OPTN: variants seen among roughly 807,000 people sequenced by gnomAD.
OPTN encodes optineurin.
OPTN carries 54 observed loss-of-function variants against 70.4 expected under a neutral mutation model. The ratio of observed to expected loss-of-function variants is 0.77; its 90% CI spans 0.62 to 0.96. The LOEUF (loss-of-function observed/expected upper bound fraction) is 0.96, where lower values mean the gene tolerates loss of function less well. Among genes scored for constraint, OPTN ranks in the 40% least tolerant of loss-of-function variants. The probability of loss-of-function intolerance (pLI) is 0.00; values close to 1 mark genes in which losing one functional copy is unlikely to be tolerated. For synonymous variants in OPTN, 256 were observed against 248.5 expected (o/e 1.03, Z -0.28); for missense variants, 624 against 673.2 (o/e 0.93, Z 0.81).
At chr10:13,112,049 T>C (rs1368974140) in intron 4 of OPTN, among the ~76,000 whole-genome samples, 1 of 151,436 alleles carries the variant, frequency 6.6e-6, no homozygotes, top group African/African-American at 2.4e-5. Flanking sequence ...GGGGTTTCAC[T>C]GTGTTAGCCA....
intron 13 of OPTN, 139 bp downstream of exon 13, chr10:13,132,336 A>G: frequency 1.3e-6 from 1 of 749,560 alleles, no homozygotes; most frequent in South Asian, 1.7e-5. Flanking sequence ...TGACAGAGCG[A>G]GTCCCCTGTC....
intron 11 of OPTN, among the ~76,000 whole-genome samples, chr10:13,127,138 C>T (rs1021547467): frequency 6.6e-5 from 10 of 152,112 alleles, no homozygotes; most frequent in African/African-American, 2.4e-4. Context: ...TGTAAATATA[C>T]TCTTTGTTTT....
At chr10:13,118,151 T>A (rs879261492) in intron 6 of OPTN, among the ~76,000 whole-genome samples, 3 of 152,246 alleles carry the variant, frequency 2.0e-5, no homozygotes, top group Non-Finnish European at 4.4e-5. Flanking sequence ...AGTTTGAGAT[T>A]GATTTCCAGG....
chr10:13,112,745 C>A, intron 5 of OPTN, 110 bp downstream of exon 5: 1 of 1,084,486 alleles, frequency 9.2e-7, no homozygotes, highest in Non-Finnish European at 1.4e-6. Flanking sequence ...TGAGGAAATT[C>A]CAGTGTAGCA....
At chr10:13,127,374 A>T (rs825411) in intron 11 of OPTN, among the ~76,000 whole-genome samples, 1 of 152,070 alleles carries the variant, frequency 6.6e-6, no homozygotes, top group Non-Finnish European at 1.5e-5. Context: ...GCAAAATAAC[A>T]GTATCAACGA....
intron 9 of OPTN, 108 bp downstream of exon 9, chr10:13,124,218 T>C (rs1343537096): frequency 3.0e-6 from 2 of 660,708 alleles, no homozygotes; most frequent in Non-Finnish European, 5.3e-6. Context: ...AAAAGAAAAA[T>C]AGACACCTAA....
Position 13,118,438 on chromosome 10 carries a change from C to G in OPTN, c.627-450C>G, listed in dbSNP as rs532931405. Among the ~76,000 whole-genome samples the G allele has an allele frequency of 2.6e-5, 4 of 152,346 alleles. No individual in the cohort carries two copies. In the South Asian group the frequency reaches 8.3e-4, roughly 32 times the overall value. ...CCACAAGTGAAAAAGGTTTTCTCCC[C>G]TTGACTTAAGCTGTGATGGTCTCTG... On this transcript the variant is annotated intron_variant, in intron 6 of 14. Coordinates refer to ENST00000378747, the MANE Select transcript of OPTN (RefSeq NM_001008212.2).
chr10:13,125,856 T>C, intron 10 of OPTN, 90 bp from the exon 11 acceptor site: 2 of 960,696 alleles, frequency 2.1e-6, no homozygotes, highest in Non-Finnish European at 3.3e-6. Flanking sequence ...AAGATTTTTC[T>C]ACTGGAGTGT....
At chr10:13,122,971 A>C (rs1327001143) in intron 8 of OPTN, 1 of 186,644 alleles carries the variant, frequency 5.4e-6, no homozygotes, top group Non-Finnish European at 1.2e-5. Context: ...CACTGCGCCC[A>C]GCTGCAAGAT....
At chr10:13,133,421 C>T in intron 13 of OPTN, 81 bp from the exon 14 acceptor site, 9 of 1,240,446 alleles carry the variant, frequency 7.3e-6, no homozygotes, top group Non-Finnish European at 1.1e-5. Context: ...TTTTCCCCTA[C>T]TTCTGTGGAC....
intron 3 of OPTN, chr10:13,109,671 TAAAA>T: frequency 7.7e-6 from 1 of 130,608 alleles, no homozygotes. Context: ...ACAAAAAAAT[TAAAA>T]AAAAAAAAAA....
At chr10:13,134,515 C>G (rs544672344) in intron 14 of OPTN, among the ~76,000 whole-genome samples, 39 of 152,296 alleles carry the variant, frequency 2.6e-4, no homozygotes, top group Middle Eastern at 6.8e-3. Flanking sequence ...TCACTGCAAC[C>G]TCCGCCTCCC....
chr10:13,137,921 G>C lies in OPTN; in HGVS notation c.*1055G>C, dbSNP rs1833730728. ...AGCTGCCTATTTTCTTCCTAGGTTA[G>C]GTTATATCTTCATAATCACAAGAAT... On this transcript the variant is annotated 3_prime_UTR_variant, in exon 15 of 15. Transcript: ENST00000378747. 1 of 219,376 alleles carries C rather than the reference G, an allele frequency of 4.6e-6. No individual in the cohort carries two copies. The highest frequency in any genetic ancestry group is 9.1e-6 in the Non-Finnish European group (1 of 109,548). The allele number at this position is 219,376 out of a possible 1,614,324, so 13.6% of individuals were successfully genotyped here.
chr10:13,125,416 AG>A lies in OPTN; in HGVS notation c.999del. On this transcript the variant is annotated splice_acceptor_variant, in intron 9 of 14. Transcript: ENST00000378747. LOFTEE classifies it high-confidence loss of function. ...TCCTCATGAAATCTTGACCTTTCTT[AG>A]GTGTCAGGCCCTTGAAAGGAAAAAT... The A allele has an allele frequency of 6.2e-7, 1 of 1,614,070 alleles. No individual in the cohort carries two copies. Among genetic ancestry groups the A allele is most frequent in the South Asian group, 1.1e-5 (1 of 91,074 alleles).
chr10:13,117,205 C>T (rs995845592), intron 6 of OPTN, among the ~76,000 whole-genome samples: 2 of 151,002 alleles, frequency 1.3e-5, no homozygotes, highest in Non-Finnish European at 2.9e-5. Flanking sequence ...CTTAGCCTCC[C>T]GAGTAGCTGG....
intron 1 of OPTN, among the ~76,000 whole-genome samples, chr10:13,104,224 A>T (rs1420312753): frequency 2.0e-5 from 3 of 149,890 alleles, no homozygotes; most frequent in Non-Finnish European, 4.4e-5. Context: ...CCTTTGAGTC[A>T]TCCAAAATCA....
chr10:13,123,906 C>T, intron 8 of OPTN, 89 bp from the exon 9 acceptor site: 1 of 890,592 alleles, frequency 1.1e-6, no homozygotes, highest in Non-Finnish European at 1.9e-6. Context: ...TAATTGGCTA[C>T]TAATGGTTCA....
At position 13,118,594 on chromosome 10, in the gene OPTN, T is replaced by C. The variant is rs145272333; in HGVS notation, c.627-294T>C. Among the ~76,000 whole-genome samples the C allele has an allele frequency of 1.4e-3, 220 of 152,148 alleles. 1 individual carries two copies. The highest frequency in any genetic ancestry group is 4.9e-3 in the African/African-American group (205 of 41,520). On this transcript the variant is annotated intron_variant, in intron 6 of 14. Transcript: ENST00000378747. ...CGGCTGCCTCTGCTGAACTGTTCCG[T>C]GAGTTTTGTGGTGTGGTGTGAGGTA...
chr10:13,133,720 A>G (rs1833640070), intron 14 of OPTN, 139 bp downstream of exon 14: 2 of 748,992 alleles, frequency 2.7e-6, no homozygotes, highest in East Asian at 2.7e-5. Context: ...TCTCATTACC[A>G]CAGCACTCCC....
Sources: allele counts gnomAD v4.1 joint callset (sites outside exome capture counted in the v4.1 genomes callset), GRCh38; gene constraint gnomAD v4.1.1; transcripts MANE v1.5; gene names NCBI Gene and HGNC (gene_info 2026-07-23, HGNC 2026-07-21).